DCX: variants seen among roughly 807,000 people sequenced by gnomAD.
DCX encodes neuronal migration protein doublecortin.
Under a neutral mutation model 20.9 loss-of-function variants are expected in DCX, and 4 were observed. The observed-to-expected ratio is 0.19, with a 90% CI of 0.09 to 0.44. DCX has a LOEUF of 0.44. Among genes scored for constraint, DCX ranks in the 20% least tolerant of loss-of-function variants. The pLI is 0.99. For synonymous variants in DCX, 103 were observed against 111.4 expected, an observed-to-expected ratio of 0.92 and a Z score of 0.47; for missense variants, 133 against 296.9, an observed-to-expected ratio of 0.45 and a Z score of 4.06.
At position 111,326,526 on chromosome X, in the gene DCX, A is replaced by G. The variant is rs150960205; in HGVS notation, c.946+4378T>C. ...TGTGGCACTGCATAAGCTTTTTTCA[A>G]ATATCCCATAGGAGCCTCCTGGGCT... On this transcript the variant is annotated intron_variant, in intron 5 of 6. Coordinates refer to ENST00000636035, the MANE Select transcript of DCX (RefSeq NM_001195553.2). Among the ~76,000 whole-genome samples, 406 of 111,978 alleles carry G rather than the reference A, an allele frequency of 3.6e-3. 3 individuals are homozygous for G. The highest frequency in any genetic ancestry group is 0.012 in the African/African-American group (385 of 30,874).
At chrX:111,313,858 C>T (rs1271961503) in intron 5 of DCX, among the ~76,000 whole-genome samples, 1 of 89,247 alleles carries the variant, frequency 1.1e-5, no homozygotes, top group African/African-American at 4.5e-5. Context: ...GGCAAATATC[C>T]TGAGGGTGTG....
intron 3 of DCX, among the ~76,000 whole-genome samples, chrX:111,376,552 A>C (rs1925550436): frequency 8.9e-6 from 1 of 111,870 alleles, no homozygotes; most frequent in Non-Finnish European, 1.9e-5. Context: ...AAGCAGAACC[A>C]ATGAAAATAA....
At chrX:111,318,390 C>CAATAAT (rs1210313486) in intron 5 of DCX, among the ~76,000 whole-genome samples, 1 of 93,029 alleles carries the variant, frequency 1.1e-5, no homozygotes, top group African/African-American at 5.2e-5. Flanking sequence ...ATAATAATAA[C>CAATAAT]AATAATAATA....
chrX:111,371,727 T>C (rs1342946615), intron 3 of DCX, among the ~76,000 whole-genome samples: 1 of 110,640 alleles, frequency 9.0e-6, no homozygotes, highest in Non-Finnish European at 1.9e-5. Flanking sequence ...TTAGAGAGAA[T>C]AACTTGCCCA....
intron 1 of DCX, chrX:111,411,209 G>T (rs958261092): frequency 2.6e-6 from 1 of 377,632 alleles, no homozygotes; most frequent in Non-Finnish European, 4.6e-6. Context: ...GTCTTCCCCC[G>T]GTTCCATTTG....
chrX:111,408,631 AG>A (rs1928408287), intron 2 of DCX, among the ~76,000 whole-genome samples: 2 of 75,387 alleles, frequency 2.7e-5, no homozygotes, highest in Non-Finnish European at 5.0e-5. Flanking sequence ...AAGAAAGAAA[AG>A]AGAAAGAAAG....
intron 5 of DCX, among the ~76,000 whole-genome samples, chrX:111,320,636 A>G (rs1460829146): frequency 5.4e-5 from 6 of 110,803 alleles, no homozygotes; most frequent in Non-Finnish European, 1.1e-4. Context: ...TTTTATTTAT[A>G]TATGGTACAA....
intron 3 of DCX, among the ~76,000 whole-genome samples, chrX:111,380,762 T>A (rs1255651937): frequency 1.8e-5 from 2 of 111,580 alleles, no homozygotes; most frequent in African/African-American, 6.5e-5. Context: ...ATTACATTAA[T>A]AATATTATAA....
intron 3 of DCX, among the ~76,000 whole-genome samples, chrX:111,393,358 G>T (rs888287841): frequency 7.2e-5 from 8 of 111,661 alleles, no homozygotes. Flanking sequence ...AAATCTAAGA[G>T]CTAAAAATAT....
intron 3 of DCX, among the ~76,000 whole-genome samples, chrX:111,381,758 C>T (rs772353926): frequency 1.1e-4 from 12 of 111,454 alleles, no homozygotes; most frequent in Non-Finnish European, 1.5e-4. Context: ...CACTCACTTA[C>T]GCTGAATATT....
chrX:111,359,059 A>G (rs1923990428), intron 3 of DCX, among the ~76,000 whole-genome samples: 1 of 112,002 alleles, frequency 8.9e-6, no homozygotes, highest in African/African-American at 3.2e-5. Flanking sequence ...AAAATTGACA[A>G]TCTGATTCTA....
At chrX:111,393,229 T>C (rs1927080664) in intron 3 of DCX, among the ~76,000 whole-genome samples, 2 of 111,311 alleles carry the variant, frequency 1.8e-5, no homozygotes, top group South Asian at 7.5e-4. Flanking sequence ...GAAAACTGTC[T>C]TATCTTTTCT....
At chrX:111,308,612 G>C (rs1015064210) in intron 6 of DCX, among the ~76,000 whole-genome samples, 2 of 110,861 alleles carry the variant, frequency 1.8e-5, no homozygotes, top group Non-Finnish European at 1.9e-5. Context: ...GTGATTTAAG[G>C]GTCAGGACCC....
chrX:111,400,942 T>C lies in DCX; in HGVS notation c.705+48A>G, dbSNP rs201805884. ...TGATATTTTAGGTATAACATGATCATCTAAGAATTTAGAAAAAACGGGAAA... is the reference window on the plus strand; with the variant it reads ...TGATATTTTAGGTATAACATGATCACCTAAGAATTTAGAAAAAACGGGAAA... On this transcript the variant is annotated intron_variant, in intron 3 of 6. Coordinates refer to ENST00000636035, the MANE Select transcript of DCX (RefSeq NM_001195553.2). 12,233 of 1,105,353 alleles carry C rather than the reference T, an allele frequency of 0.011. 94 individuals carry two copies. Among genetic ancestry groups the C allele is most frequent in the South Asian group, 0.033 (1,793 of 54,409 alleles). 91.1% of individuals were successfully genotyped at this position (1,105,353 alleles called of 1,213,427 possible).
At chrX:111,370,780 T>TA (rs1925014311) in intron 3 of DCX, among the ~76,000 whole-genome samples, 1 of 107,198 alleles carries the variant, frequency 9.3e-6, no homozygotes, top group African/African-American at 3.5e-5. Context: ...CTGGAGAGCT[T>TA]TAAAAAAAAA....
At chrX:111,347,781 T>C (rs1243497027) in intron 3 of DCX, among the ~76,000 whole-genome samples, 1 of 110,989 alleles carries the variant, frequency 9.0e-6, no homozygotes, top group Non-Finnish European at 1.9e-5. Context: ...ACTTTTCGAA[T>C]AGATCGTGTT....
chrX:111,348,811 C>T (rs1346831037), intron 3 of DCX, among the ~76,000 whole-genome samples: 1 of 102,053 alleles, frequency 9.8e-6, no homozygotes, highest in Non-Finnish European at 2.0e-5. Flanking sequence ...CTGCTAGACA[C>T]AAAGCATGAG....
chrX:111,302,924 C>G (rs1455120957), intron 6 of DCX, among the ~76,000 whole-genome samples: 1 of 111,642 alleles, frequency 9.0e-6, no homozygotes, highest in Admixed American at 9.5e-5. Flanking sequence ...ACCTTCACAG[C>G]TTTTGCATGG....
chrX:111,381,122 G>T (rs1411057413), intron 3 of DCX, among the ~76,000 whole-genome samples: 3 of 110,262 alleles, frequency 2.7e-5, no homozygotes, highest in Non-Finnish European at 5.7e-5. Context: ...GTTCTGGAAA[G>T]AATTCTGTTA....
Sources: allele counts gnomAD v4.1 joint callset (sites outside exome capture counted in the v4.1 genomes callset), GRCh38; gene constraint gnomAD v4.1.1; transcripts MANE v1.5; gene names NCBI Gene and HGNC (gene_info 2026-07-23, HGNC 2026-07-21).